Variants in KHDRBS2 observed in about 807,000 individuals in gnomAD.
KHDRBS2 encodes KH domain-containing, RNA-binding, signal transduction-associated protein 2.
KHDRBS2 carries 26 observed loss-of-function variants against 44.3 expected under a neutral mutation model. That is an observed-to-expected ratio of 0.59 (90% CI 0.43 to 0.81). KHDRBS2 has a LOEUF of 0.81. KHDRBS2 is among the 40% of genes least tolerant of loss of function. The pLI is 0.00. For synonymous variants in KHDRBS2, 194 were observed against 151.1 expected, an observed-to-expected ratio of 1.28 and a Z score of -2.08; for missense variants, 476 against 433.1, an observed-to-expected ratio of 1.10 and a Z score of -0.88.
At chr6:61,711,344 T>C (rs1029329860) in intron 7 of KHDRBS2, among the ~76,000 whole-genome samples, 11 of 151,788 alleles carry the variant, frequency 7.2e-5, no homozygotes, top group Non-Finnish European at 1.3e-4. Flanking sequence ...TAAGATGTGT[T>C]AGGAAGTATA....
the KHDRBS2 span, among the ~76,000 whole-genome samples, chr6:61,602,522 C>T: frequency 6.6e-6 from 1 of 152,150 alleles, no homozygotes; most frequent in Non-Finnish European, 1.5e-5. Flanking sequence ...AACTCTGGCC[C>T]AAGGCTCTCT....
chr6:61,661,124 G>C, the KHDRBS2 span, among the ~76,000 whole-genome samples: 1 of 151,744 alleles, frequency 6.6e-6, no homozygotes, highest in South Asian at 2.1e-4. Context: ...TTTCTCACTG[G>C]TTTGACATTA....
At chr6:61,592,668 G>A in the KHDRBS2 span, among the ~76,000 whole-genome samples, 1 of 152,252 alleles carries the variant, frequency 6.6e-6, no homozygotes, top group South Asian at 2.1e-4. Flanking sequence ...ATATTTTAGG[G>A]TGAAATATTT....
At chr6:61,898,776 G>A (rs1232894640) in intron 5 of KHDRBS2, among the ~76,000 whole-genome samples, 2 of 151,830 alleles carry the variant, frequency 1.3e-5, no homozygotes, top group African/African-American at 2.4e-5. Flanking sequence ...ATTAAAAAAT[G>A]CACAAGGTCA....
rs59518436 is a variant in KHDRBS2 at position 61,869,964 on chromosome 6, G to GTTTTTTTTTTTTTTTTTTTTTTTTTTTTT, written c.810+24670_810+24671insAAAAAAAAAAAAAAAAAAAAAAAAAAAAA. Among the ~76,000 whole-genome samples the GTTTTTTTTTTTTTTTTTTTTTTTTTTTTT allele has an allele frequency of 2.7e-4, 29 of 108,986 alleles. 1 individual carries two copies. The highest frequency in any genetic ancestry group is 1.1e-3 in the African/African-American group (28 of 26,394). 71.5% of individuals were successfully genotyped at this position (108,986 alleles called of 152,430 possible). On this transcript the variant is annotated intron_variant, in intron 6 of 8. Transcript: ENST00000281156. The stretch of plus-strand genomic sequence containing the variant: ...TAGACACCGAACTAGCTGCAGGAGT[G>GTTTTTTTTTTTTTTTTTTTTTTTTTTTTT]TTTTTTTTTTTTTTTTTTTTTTTCC...
At chr6:61,851,603 T>C (rs1159997683) in intron 6 of KHDRBS2, among the ~76,000 whole-genome samples, 1 of 152,134 alleles carries the variant, frequency 6.6e-6, no homozygotes, top group Non-Finnish European at 1.5e-5. Context: ...AGCAGGAAGA[T>C]GGCCAGCTAC....
intron 2 of KHDRBS2, among the ~76,000 whole-genome samples, chr6:62,099,659 G>A (rs1801415372): frequency 6.6e-6 from 1 of 152,144 alleles, no homozygotes; most frequent in South Asian, 2.1e-4. Flanking sequence ...TGTGTCCACT[G>A]CTGTCTCCTT....
chr6:61,757,497 A>G lies in KHDRBS2; in HGVS notation c.811-24733T>C, dbSNP rs1291459144. On this transcript the variant is annotated intron_variant, in intron 6 of 8. Coordinates refer to ENST00000281156, the MANE Select transcript of KHDRBS2 (RefSeq NM_152688.4). The stretch of plus-strand genomic sequence containing the variant: ...TTAAAATGTGTTTTTTGTAGGCTGC[A>G]TACAGTTTGGCCTTTTAAAATTATT... 2.0e-5 allele frequency among the ~76,000 whole-genome samples: 3 copies of G among 152,108 alleles called. No homozygotes were observed. In the East Asian group the frequency reaches 5.8e-4, roughly 29 times the overall value.
intron 1 of KHDRBS2, among the ~76,000 whole-genome samples, chr6:62,184,062 C>T (rs1045393449): frequency 6.6e-6 from 1 of 151,484 alleles, no homozygotes; most frequent in South Asian, 2.1e-4. Flanking sequence ...TATTTGAATA[C>T]AGAACCAAAC....
intron 6 of KHDRBS2, among the ~76,000 whole-genome samples, chr6:61,813,004 T>C (rs891730958): frequency 6.6e-6 from 1 of 152,034 alleles, no homozygotes; most frequent in African/African-American, 2.4e-5. Context: ...TCTAACATAG[T>C]TTGCAACAAA....
intron 8 of KHDRBS2, among the ~76,000 whole-genome samples, chr6:61,689,054 A>G (rs774664809): frequency 7.9e-5 from 12 of 151,922 alleles, no homozygotes; most frequent in East Asian, 1.9e-4. Flanking sequence ...GATATGATTT[A>G]ATCTATCATG....
chr6:62,221,347 C>A (rs1331395473), intron 1 of KHDRBS2, among the ~76,000 whole-genome samples: 2 of 151,894 alleles, frequency 1.3e-5, no homozygotes, highest in Non-Finnish European at 2.9e-5. Context: ...GGATATAAAG[C>A]AGCAGATAGA....
At chr6:62,272,149 T>C (rs998013733) in intron 1 of KHDRBS2, among the ~76,000 whole-genome samples, 2 of 152,200 alleles carry the variant, frequency 1.3e-5, no homozygotes, top group African/African-American at 4.8e-5. Flanking sequence ...TTGCCTGCAG[T>C]AATCAATACA....
chr6:62,092,808 T>C (rs913428705), intron 2 of KHDRBS2, among the ~76,000 whole-genome samples: 1 of 152,128 alleles, frequency 6.6e-6, no homozygotes, highest in African/African-American at 2.4e-5. Context: ...TTAGGTTAAA[T>C]TAGCAATTAA....
intron 1 of KHDRBS2, among the ~76,000 whole-genome samples, chr6:62,269,299 C>T (rs549087193): frequency 9.2e-5 from 14 of 152,056 alleles, no homozygotes; most frequent in African/African-American, 3.4e-4. Context: ...ATATTAAAAG[C>T]TGAGCCACAT....
intron 6 of KHDRBS2, among the ~76,000 whole-genome samples, chr6:61,782,013 G>C (rs1783004169): frequency 6.6e-6 from 1 of 152,098 alleles, no homozygotes; most frequent in Non-Finnish European, 1.5e-5. Flanking sequence ...TTTTGGAAGT[G>C]TTTTTTGGTT....
At chr6:62,093,306 G>T (rs1432090985) in intron 2 of KHDRBS2, among the ~76,000 whole-genome samples, 1 of 151,312 alleles carries the variant, frequency 6.6e-6, no homozygotes, top group Non-Finnish European at 1.5e-5. Context: ...AAAATTTATA[G>T]TTTCAACTTA....
At chr6:61,591,996 C>T in the KHDRBS2 span, among the ~76,000 whole-genome samples, 1 of 151,832 alleles carries the variant, frequency 6.6e-6, no homozygotes, top group Admixed American at 6.6e-5. Flanking sequence ...CAAGAACAGC[C>T]TGGGTAACAT....
At chr6:61,711,754 T>A (rs184402651) in intron 7 of KHDRBS2, among the ~76,000 whole-genome samples, 1 of 151,826 alleles carries the variant, frequency 6.6e-6, no homozygotes, top group South Asian at 2.1e-4. Context: ...TGGAATGGTT[T>A]CAGAAGAAAA....
Sources: allele counts gnomAD v4.1 joint callset (sites outside exome capture counted in the v4.1 genomes callset), GRCh38; gene constraint gnomAD v4.1.1; transcripts MANE v1.5; gene names NCBI Gene and HGNC (gene_info 2026-07-23, HGNC 2026-07-21).